Variants in URI1 observed in about 807,000 individuals in gnomAD.
URI1 encodes unconventional prefoldin RPB5 interactor 1.
In URI1, 39 loss-of-function variants were observed where a neutral mutation model predicts 60.2. The observed-to-expected ratio is 0.65, with a 90% CI of 0.50 to 0.85. The LOEUF (loss-of-function observed/expected upper bound fraction) is 0.85. Ranked by LOEUF, URI1 falls within the 40% of genes least tolerant of loss-of-function variation. URI1 has a pLI of 0.00. For synonymous variants in URI1, 251 were observed against 236.8 expected, an observed-to-expected ratio of 1.06 and a Z score of -0.55; for missense variants, 691 against 665.9, an observed-to-expected ratio of 1.04 and a Z score of -0.42.
intron 1 of URI1, chr19:29,956,805 C>T (rs893474827): frequency 6.2e-7 from 1 of 1,600,962 alleles, no homozygotes; most frequent in Non-Finnish European, 8.5e-7. Context: ...TTTCTGTTAC[C>T]CGACCATTTG....
At chr19:29,998,983 TGGTTACC>T (rs1313159578) in intron 4 of URI1, among the ~76,000 whole-genome samples, 1 of 152,120 alleles carries the variant, frequency 6.6e-6, no homozygotes, top group Non-Finnish European at 1.5e-5. Flanking sequence ...ATTTTCTTTG[TGGTTACC>T]ATGGCGATTA....
intron 9 of URI1, 74 bp from the exon 10 acceptor site, chr19:30,012,211 G>A (rs1568448719): frequency 2.7e-6 from 4 of 1,484,338 alleles, no homozygotes; most frequent in East Asian, 2.3e-5. Context: ...ATAGATTCAA[G>A]GAAATTTTCA....
chr19:29,942,668 A>C lies in URI1; in HGVS notation c.117+4A>C. The C allele has an allele frequency of 1.4e-6, 2 of 1,416,094 alleles. No homozygotes were observed. Among genetic ancestry groups the C allele is most frequent in the Non-Finnish European group, 1.8e-6 (2 of 1,084,270 alleles). 87.7% of individuals were successfully genotyped at this position (1,416,094 alleles called of 1,614,324 possible). A position where few individuals can be genotyped will look rare whatever the true frequency, so the allele number is the denominator to read the frequency against. On this transcript the variant is annotated splice_donor_region_variant and intron_variant, in intron 1 of 10. Transcript: ENST00000392271. Reference sequence around the variant, plus strand: ...GCTGCGCGAGGAGCAGGAAAAGGTAACTAGCAGCCCCGCGCCGCTTCCGCC... The same window carrying C: ...GCTGCGCGAGGAGCAGGAAAAGGTACCTAGCAGCCCCGCGCCGCTTCCGCC...
intron 1 of URI1, among the ~76,000 whole-genome samples, chr19:29,928,080 C>T (rs1051764119): frequency 6.6e-6 from 1 of 151,940 alleles, no homozygotes; most frequent in African/African-American, 2.4e-5. Context: ...TGGTTGACTG[C>T]CCTACTGAGA....
chr19:29,957,038 GA>G (rs1427085755), intron 1 of URI1: 2 of 593,992 alleles, frequency 3.4e-6, no homozygotes, highest in Non-Finnish European at 5.9e-6. Flanking sequence ...GTCTTTTTAA[GA>G]ATGCAAATTG....
rs1358581955 is a variant in URI1 at position 30,015,285 on chromosome 19, G to C, written c.*216G>C. ...TTGTTTTGTGAATTCTCTGAATACT[G>C]TCAACACTCTTATCTAAGTTTGCCT... On this transcript the variant is annotated 3_prime_UTR_variant, in exon 11 of 11. Transcript: ENST00000392271. 9.2e-6 allele frequency: 13 copies of C among 1,417,418 alleles called. No homozygotes were observed. The highest frequency in any genetic ancestry group is 1.2e-5 in the Non-Finnish European group (13 of 1,092,116). The allele number at this position is 1,417,418 out of a possible 1,614,324, so 87.8% of individuals were successfully genotyped here. A position where few individuals can be genotyped will look rare whatever the true frequency, so the allele number is the denominator to read the frequency against.
intron 2 of URI1, among the ~76,000 whole-genome samples, chr19:29,978,650 A>G (rs972566790): frequency 2.6e-5 from 4 of 152,202 alleles, no homozygotes; most frequent in Non-Finnish European, 5.9e-5. Context: ...TTTGAGAAAT[A>G]TAAGTCCAGA....
chr19:29,994,389 A>G lies in URI1; in HGVS notation c.367+7972A>G, dbSNP rs162932. ...TCTCCAGATATTTTTCATCTTCTCA[A>G]ATTAAAACTGTACCAGTTAGGTGAT... On this transcript the variant is annotated intron_variant, in intron 4 of 10. Transcript: ENST00000392271. 9.7e-3 allele frequency among the ~76,000 whole-genome samples: 1,478 copies of G among 151,774 alleles called. 36 individuals carry two copies. The highest frequency in any genetic ancestry group is 0.034 in the African/African-American group (1,406 of 41,332).
In URI1 at chr19:30,015,742, A is replaced by G; in HGVS notation, c.*673A>G. 3.0e-6 allele frequency: 2 copies of G among 671,376 alleles called. No homozygotes were observed. Among genetic ancestry groups the G allele is most frequent in the South Asian group, 4.0e-5 (2 of 49,546 alleles). The allele number at this position is 671,376 out of a possible 1,614,324, so 41.6% of individuals were successfully genotyped here. A position where few individuals can be genotyped will look rare whatever the true frequency, so the allele number is the denominator to read the frequency against. On this transcript the variant is annotated 3_prime_UTR_variant, in exon 11 of 11. Transcript: ENST00000392271. ...AACTTTATGATTCAAAATTGAGTACAGATATGTCCTTGATTCATATGTATG... is the reference window on the plus strand; with the variant it reads ...AACTTTATGATTCAAAATTGAGTACGGATATGTCCTTGATTCATATGTATG...
At chr19:29,939,278 ATTT>A (rs771247218), upstream of URI1, among the ~76,000 whole-genome samples, 1 of 129,974 alleles carries the variant, frequency 7.7e-6, no homozygotes, top group African/African-American at 2.9e-5. Flanking sequence ...CGCCTTGCCA[ATTT>A]TTTTTTTTTT....
At chr19:29,933,487 TTTCTC>T (rs527433052) in intron 1 of URI1, among the ~76,000 whole-genome samples, 3 of 152,150 alleles carry the variant, frequency 2.0e-5, no homozygotes, top group Non-Finnish European at 2.9e-5. Context: ...ATTTGACTCT[TTTCTC>T]TTTTTTTCTT....
upstream of URI1, among the ~76,000 whole-genome samples, chr19:29,940,387 G>T (rs2055011520): frequency 6.6e-6 from 1 of 152,196 alleles, no homozygotes; most frequent in Non-Finnish European, 1.5e-5. Flanking sequence ...GGTGGCTCTT[G>T]CCTGTAATCC....
At chr19:29,928,089 G>A (rs1210367140) in intron 1 of URI1, among the ~76,000 whole-genome samples, 2 of 152,016 alleles carry the variant, frequency 1.3e-5, no homozygotes, top group Non-Finnish European at 2.9e-5. Flanking sequence ...GCCCTACTGA[G>A]ATCCCAGGTG....
Position 29,986,428 on chromosome 19 carries a change from A to G in URI1, c.367+11A>G, listed in dbSNP as rs1436968757. The G allele has an allele frequency of 1.2e-6, 2 of 1,600,992 alleles. No homozygotes were observed. Among genetic ancestry groups the G allele is most frequent in the African/African-American group, 1.3e-5 (1 of 74,162 alleles). ...AGCACCGGAAAGAACGTAGGTACCCATTTTAAATGATGTTTCTTTGTTGTA... is the reference window on the plus strand; with the variant it reads ...AGCACCGGAAAGAACGTAGGTACCCGTTTTAAATGATGTTTCTTTGTTGTA... On this transcript the variant is annotated intron_variant, in intron 4 of 10. Coordinates refer to ENST00000392271, the MANE Select transcript of URI1 (RefSeq NM_003796.3).
upstream of URI1, among the ~76,000 whole-genome samples, chr19:29,941,900 GGGGA>G (rs2055028040): frequency 1.3e-5 from 2 of 152,010 alleles, no homozygotes; most frequent in African/African-American, 4.8e-5. Flanking sequence ...GCCAAACGAC[GGGGA>G]GGGAGATGGG....
At chr19:30,004,882 T>C (rs759197726) in intron 4 of URI1, among the ~76,000 whole-genome samples, 3 of 152,088 alleles carry the variant, frequency 2.0e-5, no homozygotes, top group African/African-American at 4.8e-5. Flanking sequence ...TTGGAAATGG[T>C]TGATTATATA....
chr19:30,015,390 T>C lies in URI1; in HGVS notation c.*321T>C, dbSNP rs1458256455. The C allele has an allele frequency of 1.0e-5, 15 of 1,435,480 alleles. No individual in the cohort carries two copies. Among genetic ancestry groups the C allele is most frequent in the Non-Finnish European group, 1.4e-5 (15 of 1,102,820 alleles). The allele number at this position is 1,435,480 out of a possible 1,614,324, so 88.9% of individuals were successfully genotyped here. A position where few individuals can be genotyped will look rare whatever the true frequency, so the allele number is the denominator to read the frequency against. On this transcript the variant is annotated 3_prime_UTR_variant, in exon 11 of 11. Coordinates refer to ENST00000392271, the MANE Select transcript of URI1 (RefSeq NM_003796.3). The stretch of plus-strand genomic sequence containing the variant: ...CATTGTTTTTGTGTTTCAAACTAAA[T>C]ACAGGCAGTTTTGTGCCAGCTGTGA...
chr19:29,952,890 A>C (rs2055196937), intron 1 of URI1, among the ~76,000 whole-genome samples: 1 of 152,134 alleles, frequency 6.6e-6, no homozygotes. Context: ...CCAAACCCCA[A>C]GTCATTTATG....
intron 1 of URI1, among the ~76,000 whole-genome samples, chr19:29,935,828 C>G (rs1411776720): frequency 1.3e-5 from 2 of 151,380 alleles, no homozygotes; most frequent in Non-Finnish European, 2.9e-5. Flanking sequence ...ACACTGTCAT[C>G]CAGGCTGGAG....
Sources: allele counts gnomAD v4.1 joint callset (sites outside exome capture counted in the v4.1 genomes callset), GRCh38; gene constraint gnomAD v4.1.1; transcripts MANE v1.5; gene names NCBI Gene and HGNC (gene_info 2026-07-23, HGNC 2026-07-21).